The following ARHGEF33 variants were observed in gnomAD, a reference collection of about 807,000 sequenced individuals.
ARHGEF33 encodes DH and coiled-coil domain-containing protein ENSP00000381780.
In ARHGEF33, 72 loss-of-function variants were observed where a neutral mutation model predicts 101.9. The ratio of observed to expected loss-of-function variants is 0.71; its 90% CI spans 0.58 to 0.86. ARHGEF33 has a LOEUF of 0.86. Among genes scored for constraint, ARHGEF33 ranks in the 40% least tolerant of loss-of-function variants. The pLI is 0.00. For synonymous variants in ARHGEF33, 499 were observed against 442.5 expected, an observed-to-expected ratio of 1.13 and a Z score of -1.60; for missense variants, 1,169 against 1,111.3, an observed-to-expected ratio of 1.05 and a Z score of -0.74.
chr2:38,920,398 CTTTTTTTTTTTTTT>C (rs61429948), intron 3 of ARHGEF33, among the ~76,000 whole-genome samples: 14 of 77,822 alleles, frequency 1.8e-4, no homozygotes, highest in East Asian at 4.8e-4. Flanking sequence ...TCTTTCTTTC[CTTTTTTTTTTTTTT>C]TTTTTTTTTT....
chr2:38,958,027 C>T lies in ARHGEF33; in HGVS notation c.1371-7C>T, dbSNP rs1400788773. 2 of 1,552,230 alleles carry T rather than the reference C, an allele frequency of 1.3e-6. No individual in the cohort carries two copies. Among genetic ancestry groups the T allele is most frequent in the East Asian group, 4.9e-5 (2 of 40,924 alleles). On this transcript the variant is annotated splice_region_variant and splice_polypyrimidine_tract_variant and intron_variant, in intron 14 of 17. Transcript: ENST00000409978. ...CAACCTGAGAACTGTTATTTCCATT[C>T]TGTTAGGTCATCCATGGCGAAGCTG...
chr2:38,909,386 A>G (rs1473721433), intron 2 of ARHGEF33, among the ~76,000 whole-genome samples: 5 of 151,838 alleles, frequency 3.3e-5, no homozygotes, highest in East Asian at 1.9e-4. Flanking sequence ...CAGTGGCTCT[A>G]TCATCGCTCA....
At chr2:38,907,955 C>A (rs1337414182) in intron 2 of ARHGEF33, among the ~76,000 whole-genome samples, 1 of 151,050 alleles carries the variant, frequency 6.6e-6, no homozygotes, top group Non-Finnish European at 1.5e-5. Context: ...ACCTCCTGGG[C>A]TCAAGTGATC....
chr2:38,937,308 TCCCCGC>T, intron 8 of ARHGEF33, 21 bp from the exon 9 acceptor site: 2 of 593,046 alleles, frequency 3.4e-6, no homozygotes, highest in Non-Finnish European at 5.9e-6. Flanking sequence ...TTTCTTTGTT[TCCCCGC>T]CCCTCCCCCC....
intron 7 of ARHGEF33, among the ~76,000 whole-genome samples, chr2:38,935,253 T>G (rs1284003846): frequency 6.6e-6 from 1 of 151,316 alleles, no homozygotes; most frequent in Non-Finnish European, 1.5e-5. Flanking sequence ...CAATCTTAGC[T>G]CACTGCAGCC....
intron 17 of ARHGEF33, 22 bp downstream of exon 17, chr2:38,966,167 C>A: frequency 6.5e-7 from 1 of 1,548,396 alleles, no homozygotes; most frequent in Non-Finnish European, 8.7e-7. Flanking sequence ...TTAGACAAGA[C>A]AGCATTGTAA....
chr2:38,894,751 G>A (rs1457351842), intron 1 of ARHGEF33, among the ~76,000 whole-genome samples: 1 of 152,178 alleles, frequency 6.6e-6, no homozygotes, highest in Non-Finnish European at 1.5e-5. Context: ...TGTATTGCAT[G>A]GGTAGAAATC....
At chr2:38,935,944 A>C (rs1667117435) in intron 8 of ARHGEF33, 110 bp downstream of exon 8, 7 of 900,278 alleles carry the variant, frequency 7.8e-6, no homozygotes. Context: ...GAAAGAACTC[A>C]CAAAAGATAA....
At chr2:38,945,705 C>G (rs540736384) in intron 10 of ARHGEF33, among the ~76,000 whole-genome samples, 1 of 152,220 alleles carries the variant, frequency 6.6e-6, no homozygotes, top group Non-Finnish European at 1.5e-5. Context: ...AAGCCAGCAG[C>G]GTCTCTTCTT....
intron 6 of ARHGEF33, 102 bp from the exon 7 acceptor site, chr2:38,931,007 T>C (rs1352319965): frequency 1.1e-6 from 1 of 909,572 alleles, no homozygotes; most frequent in Non-Finnish European, 1.6e-6. Context: ...TAGTTCAACC[T>C]AATAATTCAG....
chr2:38,959,712 G>A, intron 15 of ARHGEF33, 129 bp from the exon 16 acceptor site: 2 of 1,078,676 alleles, frequency 1.9e-6, no homozygotes, highest in African/African-American at 1.6e-5. Flanking sequence ...CTTAGTGGAA[G>A]TTTGTGGAGC....
chr2:38,934,802 G>A (rs1667093919), intron 7 of ARHGEF33, among the ~76,000 whole-genome samples: 1 of 151,868 alleles, frequency 6.6e-6, no homozygotes, highest in Admixed American at 6.6e-5. Context: ...AGATAAGTAA[G>A]ATATGTAGTA....
At chr2:38,973,424 G>T (rs1350540861) in intron 17 of ARHGEF33, among the ~76,000 whole-genome samples, 1 of 152,076 alleles carries the variant, frequency 6.6e-6, no homozygotes. Flanking sequence ...AGGATTTCTT[G>T]AATTTTCTGA....
rs937316242 is a variant in ARHGEF33 at position 38,929,168 on chromosome 2, C to T, written c.240+97C>T. On this transcript the variant is annotated intron_variant, in intron 5 of 17. Transcript: ENST00000409978. ...TTTTCTGGCTGGGCGTGGTGGCTCACGCCTGTAATCCCAGCACTTTGGGAG... is the reference window on the plus strand; with the variant it reads ...TTTTCTGGCTGGGCGTGGTGGCTCATGCCTGTAATCCCAGCACTTTGGGAG... The T allele has an allele frequency of 3.8e-5, 33 of 878,030 alleles. No individual in the cohort carries two copies. In the East Asian group the frequency reaches 5.1e-4, roughly 14 times the overall value. 54.4% of individuals were successfully genotyped at this position (878,030 alleles called of 1,614,324 possible). A position where few individuals can be genotyped will look rare whatever the true frequency, so the allele number is the denominator to read the frequency against.
intron 16 of ARHGEF33, among the ~76,000 whole-genome samples, chr2:38,961,972 A>C (rs1667953546): frequency 6.6e-6 from 1 of 152,176 alleles, no homozygotes. Flanking sequence ...CCAGAGGAAC[A>C]GGAAGGGGCG....
chr2:38,966,449 C>T (rs1353152264), intron 17 of ARHGEF33, among the ~76,000 whole-genome samples: 2 of 152,160 alleles, frequency 1.3e-5, no homozygotes, highest in Non-Finnish European at 2.9e-5. Context: ...GAGCTGGTGA[C>T]AGTCAAAGCC....
intron 4 of ARHGEF33, among the ~76,000 whole-genome samples, chr2:38,921,650 C>G (rs1666759776): frequency 1.3e-5 from 2 of 152,150 alleles, no homozygotes; most frequent in South Asian, 4.1e-4. Flanking sequence ...GTTGCCCACT[C>G]TGGTCTTTAA....
chr2:38,966,222 G>A, intron 17 of ARHGEF33, 77 bp downstream of exon 17: 1 of 1,490,508 alleles, frequency 6.7e-7, no homozygotes, highest in Non-Finnish European at 9.0e-7. Flanking sequence ...ACAATAATAA[G>A]TATCAAGTAG....
At chr2:38,907,649 A>C (rs1666421037) in intron 2 of ARHGEF33, among the ~76,000 whole-genome samples, 1 of 152,204 alleles carries the variant, frequency 6.6e-6, no homozygotes, top group Non-Finnish European at 1.5e-5. Context: ...AATCAGGGCC[A>C]TCTCTAGGAC....
Sources: gnomAD v4.1 joint callset for allele counts (sites outside exome capture counted in the v4.1 genomes callset) on GRCh38, gnomAD v4.1.1 for gene constraint, MANE v1.5 for transcripts, NCBI Gene and HGNC (gene_info 2026-07-23, HGNC 2026-07-21) for gene names.